The following CCBE1 variants were observed in gnomAD, a reference collection of about 807,000 sequenced individuals.
CCBE1 encodes the protein collagen and calcium-binding EGF domain-containing protein 1.
A neutral mutation model predicts 50.0 loss-of-function variants in CCBE1; 37 were observed. That is an observed-to-expected ratio of 0.74 (90% CI 0.57 to 0.97). The LOEUF is 0.97. CCBE1 is among the 50% of genes least tolerant of loss of function. CCBE1 has a pLI of 0.00. For synonymous variants in CCBE1, 234 were observed against 203.7 expected, an observed-to-expected ratio of 1.15 and a Z score of -1.27; for missense variants, 538 against 523.8, an observed-to-expected ratio of 1.03 and a Z score of -0.26.
At chr18:59,448,237 T>C in intron 6 of CCBE1, 134 bp from the exon 7 acceptor site, 1 of 1,305,754 alleles carries the variant, frequency 7.7e-7, no homozygotes, top group East Asian at 2.5e-5. Flanking sequence ...TAGTTAGAGC[T>C]CAGAGAAACT....
intron 2 of CCBE1, among the ~76,000 whole-genome samples, chr18:59,573,912 T>A (rs1332807847): frequency 2.0e-5 from 3 of 152,236 alleles, no homozygotes; most frequent in African/African-American, 7.2e-5. Flanking sequence ...GTTTTAAAAA[T>A]AGTTTCATGT....
intron 3 of CCBE1, among the ~76,000 whole-genome samples, chr18:59,470,184 A>G (rs1022728915): frequency 2.0e-5 from 3 of 152,144 alleles, no homozygotes; most frequent in African/African-American, 7.2e-5. Context: ...ATAGCTGGGG[A>G]GGCATCACAA....
Position 59,538,906 on chromosome 18 carries a change from C to T in CCBE1, c.213-58668G>A, listed in dbSNP as rs193251483. On this transcript the variant is annotated intron_variant, in intron 2 of 10. Transcript: ENST00000439986. Reference sequence around the variant, plus strand: ...AAGTTATAAAAGACTAGGCTGGGTTCGTGGCTCCCACCTGTAATCCCAGCA... The same window carrying T: ...AAGTTATAAAAGACTAGGCTGGGTTTGTGGCTCCCACCTGTAATCCCAGCA... Among the ~76,000 whole-genome samples the T allele has an allele frequency of 5.9e-5, 9 of 152,254 alleles. No homozygotes were observed. The South Asian group carries it at 6.2e-4, about 11-fold the overall frequency.
chr18:59,658,021 G>A (rs1478619431), intron 2 of CCBE1, among the ~76,000 whole-genome samples: 4 of 152,070 alleles, frequency 2.6e-5, no homozygotes, highest in South Asian at 2.1e-4. Flanking sequence ...AGGAGGCAGA[G>A]GGCCCAATTT....
In CCBE1 at chr18:59,496,172, C is replaced by G. The variant is rs555841755; in HGVS notation, c.213-15934G>C. 3.3e-5 allele frequency among the ~76,000 whole-genome samples: 5 copies of G among 152,244 alleles called. No homozygotes were observed. In the East Asian group the frequency reaches 9.6e-4, roughly 29 times the overall value. On this transcript the variant is annotated intron_variant, in intron 2 of 10. Coordinates refer to ENST00000439986, the MANE Select transcript of CCBE1 (RefSeq NM_133459.4). ...GCTTCAGTCTCTGTGATAAGGGTGG[C>G]TCTGTAGAGAATATCTTACGGGTTA...
intron 2 of CCBE1, among the ~76,000 whole-genome samples, chr18:59,484,042 A>G (rs1912700563): frequency 6.6e-6 from 1 of 152,222 alleles, no homozygotes; most frequent in African/African-American, 2.4e-5. Context: ...CCATGAAGAT[A>G]TAAATTTATG....
In CCBE1 at chr18:59,601,010, G is replaced by GTTTTTTTTTTTTTTTTTTTTTTTTTTTTT. The variant is rs71177045; in HGVS notation, c.212+95590_212+95618dup. On this transcript the variant is annotated intron_variant, in intron 2 of 10. Transcript: ENST00000439986. ...GATCTATTTTATTAGCTATGTGTCA[G>GTTTTTTTTTTTTTTTTTTTTTTTTTTTTT]TTTTTTTTTTTTTTTTTTTTTTTTT... Among the ~76,000 whole-genome samples the GTTTTTTTTTTTTTTTTTTTTTTTTTTTTT allele has an allele frequency of 6.9e-5, 4 of 58,004 alleles. 2 individuals are homozygous for GTTTTTTTTTTTTTTTTTTTTTTTTTTTTT. Among genetic ancestry groups the GTTTTTTTTTTTTTTTTTTTTTTTTTTTTT allele is most frequent in the Non-Finnish European group, 1.4e-4 (4 of 28,344 alleles). 38.1% of individuals were successfully genotyped at this position (58,004 alleles called of 152,430 possible). A position where few individuals can be genotyped will look rare whatever the true frequency, so the allele number is the denominator to read the frequency against.
At chr18:59,618,346 AAT>A (rs1196257564) in intron 2 of CCBE1, among the ~76,000 whole-genome samples, 1 of 152,160 alleles carries the variant, frequency 6.6e-6, no homozygotes, top group African/African-American at 2.4e-5. Context: ...AAAGAAAAAA[AAT>A]GAGATGTAAA....
At chr18:59,592,512 C>G (rs1467522233) in intron 2 of CCBE1, among the ~76,000 whole-genome samples, 1 of 152,196 alleles carries the variant, frequency 6.6e-6, no homozygotes, top group East Asian at 1.9e-4. Context: ...AAGATCCTTA[C>G]AGATATAAAA....
chr18:59,557,495 G>T (rs1187604001), intron 2 of CCBE1, among the ~76,000 whole-genome samples: 4 of 152,102 alleles, frequency 2.6e-5, no homozygotes, highest in Admixed American at 1.3e-4. Context: ...AGGATCAGGG[G>T]CTACTCCCTT....
At chr18:59,618,292 A>G (rs1033206554) in intron 2 of CCBE1, among the ~76,000 whole-genome samples, 2 of 152,198 alleles carry the variant, frequency 1.3e-5, no homozygotes, top group Admixed American at 6.5e-5. Flanking sequence ...TATTGAAAAA[A>G]ATATTTAATA....
At chr18:59,697,489 C>G, upstream of CCBE1, 1 of 1,065,482 alleles carries the variant, frequency 9.4e-7, no homozygotes, top group South Asian at 1.7e-5. Flanking sequence ...GAGCAGGGGT[C>G]CGGAATATTA....
At chr18:59,546,805 T>C (rs1046509211) in intron 2 of CCBE1, among the ~76,000 whole-genome samples, 5 of 152,116 alleles carry the variant, frequency 3.3e-5, no homozygotes, top group African/African-American at 1.2e-4. Context: ...GTGTCTATAG[T>C]AATTTAAAAC....
At chr18:59,619,269 T>C (rs1044167760) in intron 2 of CCBE1, among the ~76,000 whole-genome samples, 4 of 152,384 alleles carry the variant, frequency 2.6e-5, no homozygotes, top group African/African-American at 9.6e-5. Flanking sequence ...TAAATATTTA[T>C]GTTTTCCAAA....
At chr18:59,486,367 A>G (rs1912823948) in intron 2 of CCBE1, among the ~76,000 whole-genome samples, 1 of 152,180 alleles carries the variant, frequency 6.6e-6, no homozygotes, top group Admixed American at 6.5e-5. Context: ...TTCTTCTAAA[A>G]ACAAAATAGG....
intron 2 of CCBE1, among the ~76,000 whole-genome samples, chr18:59,555,993 A>C (rs2052651117): frequency 6.6e-6 from 1 of 152,216 alleles, no homozygotes; most frequent in Non-Finnish European, 1.5e-5. Flanking sequence ...CACACTTTAC[A>C]GATCTCAGAG....
intron 6 of CCBE1, among the ~76,000 whole-genome samples, chr18:59,449,813 C>T (rs911234862): frequency 6.6e-6 from 1 of 152,146 alleles, no homozygotes; most frequent in Non-Finnish European, 1.5e-5. Flanking sequence ...CACAGATGGG[C>T]TCCAGAGATG....
At chr18:59,679,704 A>C (rs1238971562) in intron 2 of CCBE1, among the ~76,000 whole-genome samples, 10 of 152,180 alleles carry the variant, frequency 6.6e-5, no homozygotes. Flanking sequence ...TAATTTAGAA[A>C]GTTTATTTTG....
chr18:59,446,957 A>G (rs77666963), intron 7 of CCBE1, among the ~76,000 whole-genome samples: 17,326 of 152,260 alleles, frequency 0.11, 1,042 homozygotes, highest in African/African-American at 0.13. Context: ...TGCTAACACT[A>G]AAGTCATTTC....
Sources: allele counts gnomAD v4.1 joint callset (sites outside exome capture counted in the v4.1 genomes callset), GRCh38; gene constraint gnomAD v4.1.1; transcripts MANE v1.5; gene names NCBI Gene and HGNC (gene_info 2026-07-23, HGNC 2026-07-21).